The following GNG13 variants were observed in gnomAD, a reference collection of about 807,000 sequenced individuals.
GNG13 encodes G protein subunit gamma 13, also known as guanine nucleotide-binding protein G(I)/G(S)/G(O) subunit gamma-13.
A neutral mutation model predicts 8.2 loss-of-function variants in GNG13; 12 were observed. The ratio of observed to expected loss-of-function variants is 1.47; its 90% confidence interval spans 0.94 to 2.38. GNG13 has a LOEUF of 2.38. Among genes scored for constraint, GNG13 ranks in the 30% most tolerant of loss-of-function variants. GNG13 has a pLI of 0.00. For synonymous variants in GNG13, 45 were observed against 33.0 expected (o/e 1.37, Z -1.25); for missense variants, 100 against 85.2 (o/e 1.17, Z -0.68).
At position 798,802 on chromosome 16, in the gene GNG13, C is replaced by G. The variant is rs138477510; in HGVS notation, c.121G>C (p.Gly41Arg). Residue 41 changes from glycine (G) to arginine (R), a missense_variant, in exon 3 of 3, where the codon GGG (glycine) becomes CGG (arginine). Transcript: ENST00000248150. ...IPELLKWIED[G>R]IPKDPFLNPD... Reference sequence around the variant, plus strand: ...TTCAGGAAGGGGTCCTTGGGGATCCCGTCCTCGATCCACTTCAGCAGCCTG... The same window carrying G: ...TTCAGGAAGGGGTCCTTGGGGATCCGGTCCTCGATCCACTTCAGCAGCCTG... The G allele has an allele frequency of 1.9e-5, 30 of 1,612,160 alleles. No homozygotes were observed. The South Asian group carries it at 3.1e-4, about 17-fold the overall frequency.
Position 798,231 on chromosome 16 carries a change from G to A in GNG13, c.*488C>T, listed in dbSNP as rs1398547001. On this transcript the variant is annotated 3_prime_UTR_variant, in exon 3 of 3. Transcript: ENST00000248150. ...GATAGAGTGAGTGGGGCCGGGCGTG[G>A]TCTCACAGGATGGAGTGAATGGGGC... The A allele has an allele frequency of 3.2e-6, 2 of 620,050 alleles. No homozygotes were observed. Among genetic ancestry groups the A allele is most frequent in the Non-Finnish European group, 5.7e-6 (2 of 351,852 alleles). The allele number at this position is 620,050 out of a possible 1,614,324, so 38.4% of individuals were successfully genotyped here.
chr16:799,560 G>T (rs2042429684), intron 1 of GNG13, among the ~76,000 whole-genome samples: 1 of 152,156 alleles, frequency 6.6e-6, no homozygotes. Flanking sequence ...GCAGAGCCCA[G>T]TCCAGAGCCA....
Position 798,471 on chromosome 16 carries a change from G to T in GNG13, c.*248C>A. 1 of 555,420 alleles carries T rather than the reference G, an allele frequency of 1.8e-6. No homozygotes were observed. Among genetic ancestry groups the T allele is most frequent in the African/African-American group, 2.0e-5 (1 of 49,108 alleles). The allele number at this position is 555,420 out of a possible 1,614,324, so 34.4% of individuals were successfully genotyped here. On this transcript the variant is annotated 3_prime_UTR_variant, in exon 3 of 3. Transcript: ENST00000248150. ...CAGGATGGTGGGAGTGGGGCTGGGA[G>T]TGGGACTCACAGGATGGAGTGAATG... is the stretch of plus-strand genomic sequence containing the variant.
In GNG13 at chr16:798,143, G is replaced by A. The variant is rs1448236559; in HGVS notation, c.*576C>T. 3.3e-6 allele frequency: 3 copies of A among 900,452 alleles called. No homozygotes were observed. The highest frequency in any genetic ancestry group is 5.1e-6 in the Non-Finnish European group (3 of 591,750). 55.8% of individuals were successfully genotyped at this position (900,452 alleles called of 1,614,324 possible). A position where few individuals can be genotyped will look rare whatever the true frequency, so the allele number is the denominator to read the frequency against. On this transcript the variant is annotated 3_prime_UTR_variant, in exon 3 of 3. Coordinates refer to ENST00000248150, the MANE Select transcript of GNG13 (RefSeq NM_016541.3). The stretch of plus-strand genomic sequence containing the variant: ...GCCGGGCGTGGGCTCATAGGATGGT[G>A]TGAGTGGGGCCAGGAGTGGGGCTCA...
chr16:798,348 G>C lies in GNG13; in HGVS notation c.*371C>G, dbSNP rs569022242. 10 of 499,284 alleles carry C rather than the reference G, an allele frequency of 2.0e-5. No homozygotes were observed. Among genetic ancestry groups the C allele is most frequent in the African/African-American group, 1.6e-4 (8 of 49,722 alleles). 30.9% of individuals were successfully genotyped at this position (499,284 alleles called of 1,614,324 possible). On this transcript the variant is annotated 3_prime_UTR_variant, in exon 3 of 3. Coordinates refer to ENST00000248150, the MANE Select transcript of GNG13 (RefSeq NM_016541.3). The stretch of plus-strand genomic sequence containing the variant: ...GGCTGGGAGTGGGGCTCACAGGATG[G>C]AGTGAGTGGGGCCGGGAGTGGGGCT...
chr16:799,217 A>C (rs1386916017), intron 1 of GNG13, 106 bp from the exon 2 acceptor site: 9 of 651,234 alleles, frequency 1.4e-5, no homozygotes, highest in Non-Finnish European at 2.2e-5. Context: ...TGAAGCGGGG[A>C]GAGTCCACAC....
At chr16:800,205 T>A (rs61033253) in intron 1 of GNG13, among the ~76,000 whole-genome samples, 1 of 151,920 alleles carries the variant, frequency 6.6e-6, no homozygotes, top group Non-Finnish European at 1.5e-5. Flanking sequence ...TCCCGGAGAC[T>A]CTGGAGTTCC....
At chr16:798,872 G>T in intron 2 of GNG13, 48 bp from the exon 3 acceptor site, 1 of 1,400,884 alleles carries the variant, frequency 7.1e-7, no homozygotes, top group Non-Finnish European at 1.0e-6. Context: ...GACCCCCGAG[G>T]GCCTCCTGCT....
Position 799,063 on chromosome 16 carries a change from G to T in GNG13, c.15C>A (p.Asp5Glu). MEEW[D>E]VPQMKKEVES... ...CCACCTCTTTCTTCATCTGTGGCAC[G>T]TCCCACTCCTCCATGGGGTCAGGGG... Residue 5 changes from aspartate (D) to glutamate (E), a missense_variant, in exon 2 of 3, where the codon GAC becomes GAA. Coordinates refer to ENST00000248150, the MANE Select transcript of GNG13 (RefSeq NM_016541.3). The T allele has an allele frequency of 6.2e-7, 1 of 1,603,716 alleles. No individual in the cohort carries two copies. The highest frequency in any genetic ancestry group is 8.5e-7 in the Non-Finnish European group (1 of 1,171,154).
intron 1 of GNG13, among the ~76,000 whole-genome samples, 177 bp downstream of exon 1, chr16:800,489 C>T (rs951334664): frequency 1.3e-5 from 2 of 152,232 alleles, no homozygotes; most frequent in African/African-American, 4.8e-5. Context: ...AGCTCCCCCG[C>T]ACCGCGAGAG....
In GNG13 at chr16:798,120, CG is replaced by C. The variant is rs1421748286; in HGVS notation, c.*598del. The C allele has an allele frequency of 1.8e-6, 2 of 1,094,942 alleles. No homozygotes were observed. The highest frequency in any genetic ancestry group is 2.4e-5 in the Admixed American group (1 of 42,284). 67.8% of individuals were successfully genotyped at this position (1,094,942 alleles called of 1,614,324 possible). A position where few individuals can be genotyped will look rare whatever the true frequency, so the allele number is the denominator to read the frequency against. Reference sequence around the variant, plus strand: ...GTTCACAGGATGGTGGGAGTGGGGCCGGGCGTGGGCTCATAGGATGGTGTGA... The same window carrying C: ...GTTCACAGGATGGTGGGAGTGGGGCCGGCGTGGGCTCATAGGATGGTGTGA... On this transcript the variant is annotated 3_prime_UTR_variant, in exon 3 of 3. Transcript: ENST00000248150.
At position 799,452 on chromosome 16, in the gene GNG13, C is replaced by T. The variant is rs73493220; in HGVS notation, c.-34-341G>A. Among the ~76,000 whole-genome samples the T allele has an allele frequency of 1.1e-3, 171 of 152,140 alleles. 1 individual carries two copies. The highest frequency in any genetic ancestry group is 3.9e-3 in the African/African-American group (162 of 41,544). On this transcript the variant is annotated intron_variant, in intron 1 of 2. Transcript: ENST00000248150. ...CCAGCTCCTACCCTCCCACTGAGGC[C>T]CACGCAGGCTGACCCAGACCACGGT...
rs780692833 is a variant in GNG13 at position 799,126 on chromosome 16, A to G, written c.-34-15T>C. 10 of 1,096,470 alleles carry G rather than the reference A, an allele frequency of 9.1e-6. No homozygotes were observed. The highest frequency in any genetic ancestry group is 1.4e-5 in the Non-Finnish European group (10 of 718,716). 67.9% of individuals were successfully genotyped at this position (1,096,470 alleles called of 1,614,324 possible). A position where few individuals can be genotyped will look rare whatever the true frequency, so the allele number is the denominator to read the frequency against. ...CCAGCCTGGGGCTGGAGGGCACAGG[A>G]GGAAGCCACAGGGCCGAGGCCACCA... On this transcript the variant is annotated splice_polypyrimidine_tract_variant and intron_variant, in intron 1 of 2. Transcript: ENST00000248150.
In GNG13 at chr16:798,551, A is replaced by C; in HGVS notation, c.*168T>G. The C allele has an allele frequency of 1.5e-6, 1 of 684,410 alleles. No individual in the cohort carries two copies. The highest frequency in any genetic ancestry group is 2.7e-5 in the East Asian group (1 of 37,338). 42.4% of individuals were successfully genotyped at this position (684,410 alleles called of 1,614,324 possible). On this transcript the variant is annotated 3_prime_UTR_variant, in exon 3 of 3. Transcript: ENST00000248150. ...GAGTGGGGCCGGGAGTGGGGCTCAC[A>C]GGTTGGTGTGAGTGGGGCCGGGCAT...
intron 1 of GNG13, among the ~76,000 whole-genome samples, 175 bp from the exon 2 acceptor site, chr16:799,286 A>G (rs2042427212): frequency 6.6e-6 from 1 of 152,180 alleles, no homozygotes; most frequent in Non-Finnish European, 1.5e-5. Flanking sequence ...GCGAGTTCCC[A>G]CAAGGCCCCA....
intron 1 of GNG13, among the ~76,000 whole-genome samples, chr16:799,486 TGGGGCGA>T (rs1404439047): frequency 1.3e-5 from 2 of 152,196 alleles, no homozygotes; most frequent in African/African-American, 4.8e-5. Flanking sequence ...GTGTGAGGTG[TGGGGCGA>T]GGTCCTCAGG....
chr16:798,453 G>GTGGGAGTGGGGC lies in GNG13; in HGVS notation c.*254_*265dup. 1 of 525,676 alleles carries GTGGGAGTGGGGC rather than the reference G, an allele frequency of 1.9e-6. No homozygotes were observed. Among genetic ancestry groups the GTGGGAGTGGGGC allele is most frequent in the South Asian group, 1.9e-5 (1 of 53,482 alleles). The allele number at this position is 525,676 out of a possible 1,614,324, so 32.6% of individuals were successfully genotyped here. ...GGCTGGAAGTGGGGCTCACAGGATGGTGGGAGTGGGGCTGGGAGTGGGACT... is the reference window on the plus strand; with the variant it reads ...GGCTGGAAGTGGGGCTCACAGGATGGTGGGAGTGGGGCTGGGAGTGGGGCTGGGAGTGGGACT... On this transcript the variant is annotated 3_prime_UTR_variant, in exon 3 of 3. Coordinates refer to ENST00000248150, the MANE Select transcript of GNG13 (RefSeq NM_016541.3).
intron 1 of GNG13, among the ~76,000 whole-genome samples, chr16:800,276 C>T (rs76406764): frequency 6.6e-6 from 1 of 152,188 alleles, no homozygotes; most frequent in East Asian, 1.9e-4. Flanking sequence ...TACACTCAGC[C>T]CCGTGGGCGC....
rs1403069205 is a variant in GNG13, at chr16:798,529, T to C, written c.*190A>G. ...GCATAGTCTTACAAGATGGAGTGAGTGGGGCCGGGAGTGGGGCTCACAGGT... is the reference window on the plus strand; with the variant it reads ...GCATAGTCTTACAAGATGGAGTGAGCGGGGCCGGGAGTGGGGCTCACAGGT... On this transcript the variant is annotated 3_prime_UTR_variant, in exon 3 of 3. Coordinates refer to ENST00000248150, the MANE Select transcript of GNG13 (RefSeq NM_016541.3). 4 of 650,856 alleles carry C rather than the reference T, an allele frequency of 6.1e-6. No homozygotes were observed. Among genetic ancestry groups the C allele is most frequent in the Non-Finnish European group, 8.3e-6 (3 of 361,966 alleles). 40.3% of individuals were successfully genotyped at this position (650,856 alleles called of 1,614,324 possible). A position where few individuals can be genotyped will look rare whatever the true frequency, so the allele number is the denominator to read the frequency against.
Sources: gnomAD v4.1 joint callset for allele counts (sites outside exome capture counted in the v4.1 genomes callset) on GRCh38, gnomAD v4.1.1 for gene constraint, MANE v1.5 for transcripts, NCBI Gene and HGNC (gene_info 2026-07-23, HGNC 2026-07-21) for gene names.